Variants in SHISA6 observed in about 807,000 individuals in gnomAD.
The protein encoded by SHISA6 is shisa family member 6.
In SHISA6, 22 loss-of-function variants were observed where a neutral mutation model predicts 47.9. That is an observed-to-expected ratio of 0.46 (90% CI 0.33 to 0.66). The LOEUF is 0.66. Ranked by LOEUF, SHISA6 falls within the 30% of genes least tolerant of loss-of-function variation. SHISA6 has a pLI of 0.02. For synonymous variants in SHISA6, 388 were observed against 337.8 expected (o/e 1.15, Z -1.63); for missense variants, 680 against 764.6 (o/e 0.89, Z 1.30).
chr17:11,252,798 A>G (rs1357088171), intron 1 of SHISA6, among the ~76,000 whole-genome samples: 1 of 152,160 alleles, frequency 6.6e-6, no homozygotes, highest in Non-Finnish European at 1.5e-5. Flanking sequence ...GCTGGCTCAA[A>G]AGCTGAGGCT....
At chr17:11,471,161 A>G (rs965179978) in intron 3 of SHISA6, among the ~76,000 whole-genome samples, 7 of 149,346 alleles carry the variant, frequency 4.7e-5, no homozygotes, top group Non-Finnish European at 8.9e-5. Flanking sequence ...GTGAGCCAAG[A>G]TCATGCCACT....
intron 2 of SHISA6, among the ~76,000 whole-genome samples, chr17:11,282,339 C>T (rs1320233072): frequency 1.3e-5 from 2 of 151,870 alleles, no homozygotes; most frequent in Non-Finnish European, 2.9e-5. Context: ...AGTTCTTTCT[C>T]CATAGAAGGT....
intron 1 of SHISA6, among the ~76,000 whole-genome samples, chr17:11,260,996 C>T (rs753548437): frequency 7.2e-5 from 11 of 152,164 alleles, no homozygotes; most frequent in African/African-American, 9.7e-5. Flanking sequence ...AACCCATTTC[C>T]TCCGGCATAT....
At chr17:11,485,305 T>C (rs1041754787) in intron 3 of SHISA6, among the ~76,000 whole-genome samples, 9 of 152,042 alleles carry the variant, frequency 5.9e-5, no homozygotes, top group Non-Finnish European at 7.4e-5. Flanking sequence ...TTAATACTCA[T>C]TTAATAACAC....
chr17:11,358,746 C>CTGCAA (rs1472900682), intron 2 of SHISA6, among the ~76,000 whole-genome samples: 1 of 151,320 alleles, frequency 6.6e-6, no homozygotes, highest in African/African-American at 2.4e-5. Context: ...TTTTGGCTCA[C>CTGCAA]TGCAACCTCT....
intron 3 of SHISA6, among the ~76,000 whole-genome samples, chr17:11,527,615 T>C (rs541672827): frequency 2.7e-4 from 41 of 152,314 alleles, no homozygotes; most frequent in African/African-American, 8.9e-4. Flanking sequence ...TGACATAGTT[T>C]AAGGGTTGGC....
At position 11,382,001 on chromosome 17, in the gene SHISA6, G is replaced by T. The variant is rs1000926653; in HGVS notation, c.895+2492G>T. Among the ~76,000 whole-genome samples, 8 of 152,176 alleles carry T rather than the reference G, an allele frequency of 5.3e-5. No homozygotes were observed. In the South Asian group the frequency reaches 6.2e-4, roughly 12 times the overall value. ...GAACAGCTAAAGTTTCAAGAACAAA[G>T]AATCTGGGTTTGAGGTTGGTGGTTG... On this transcript the variant is annotated intron_variant, in intron 3 of 5. Coordinates refer to ENST00000441885, the MANE Select transcript of SHISA6 (RefSeq NM_207386.4).
chr17:11,433,039 G>A (rs1483045548), intron 3 of SHISA6, among the ~76,000 whole-genome samples: 2 of 152,306 alleles, frequency 1.3e-5, no homozygotes, highest in East Asian at 3.9e-4. Flanking sequence ...CTTCAAATGA[G>A]TGAATTGTAT....
chr17:11,451,190 G>T (rs1915391581), intron 3 of SHISA6, among the ~76,000 whole-genome samples: 1 of 152,012 alleles, frequency 6.6e-6, no homozygotes, highest in South Asian at 2.1e-4. Flanking sequence ...TTTACCCACA[G>T]CCCCTGCTCC....
chr17:11,343,478 A>G (rs1287663677), intron 2 of SHISA6, among the ~76,000 whole-genome samples: 1 of 152,176 alleles, frequency 6.6e-6, no homozygotes, highest in Non-Finnish European at 1.5e-5. Flanking sequence ...AGACAGTCCA[A>G]AGGCTATTGA....
chr17:11,478,702 C>A (rs1488225148), intron 3 of SHISA6, among the ~76,000 whole-genome samples: 2 of 92,272 alleles, frequency 2.2e-5, no homozygotes, highest in African/African-American at 8.6e-5. Context: ...GCTTGTTTTT[C>A]TCAGGTTTGT....
intron 1 of SHISA6, among the ~76,000 whole-genome samples, chr17:11,249,629 T>G (rs1015222743): frequency 6.6e-6 from 1 of 152,216 alleles, no homozygotes; most frequent in Non-Finnish European, 1.5e-5. Context: ...GGAGGCCGCA[T>G]GCTGATTTTT....
At chr17:11,247,920 G>A (rs920813002) in intron 1 of SHISA6, among the ~76,000 whole-genome samples, 8 of 151,906 alleles carry the variant, frequency 5.3e-5, no homozygotes, top group African/African-American at 1.7e-4. Context: ...GACTACAGGC[G>A]CCCGCCACCA....
At chr17:11,379,993 A>G (rs1912957670) in intron 3 of SHISA6, 1 of 156,878 alleles carries the variant, frequency 6.4e-6, no homozygotes, top group Non-Finnish European at 1.4e-5. Flanking sequence ...GTGGACACAA[A>G]GGTAGAAGGT....
intron 3 of SHISA6, among the ~76,000 whole-genome samples, chr17:11,401,619 C>T (rs918029562): frequency 6.6e-6 from 1 of 152,202 alleles, no homozygotes; most frequent in Non-Finnish European, 1.5e-5. Flanking sequence ...CAATAGTAGG[C>T]TACACTGGAA....
intron 3 of SHISA6, among the ~76,000 whole-genome samples, chr17:11,516,230 A>G (rs1024101868): frequency 2.2e-4 from 34 of 152,188 alleles, no homozygotes; most frequent in African/African-American, 8.0e-4. Flanking sequence ...AGGATTGGTG[A>G]CAGGAAGCTC....
intron 2 of SHISA6, among the ~76,000 whole-genome samples, chr17:11,285,464 G>A (rs1472980908): frequency 6.6e-6 from 1 of 152,186 alleles, no homozygotes; most frequent in East Asian, 1.9e-4. Context: ...TCTTAAAAAG[G>A]GGAGAAGGGG....
At chr17:11,264,438 A>G (rs1241530609) in intron 2 of SHISA6, among the ~76,000 whole-genome samples, 1 of 152,194 alleles carries the variant, frequency 6.6e-6, no homozygotes, top group Non-Finnish European at 1.5e-5. Flanking sequence ...GAACTAGGAA[A>G]CCGTAATATC....
At chr17:11,279,844 A>G (rs1433751030) in intron 2 of SHISA6, among the ~76,000 whole-genome samples, 3 of 152,110 alleles carry the variant, frequency 2.0e-5, no homozygotes, top group African/African-American at 7.2e-5. Flanking sequence ...GGCTAAGGAA[A>G]TGACCTGCAT....
Sources: allele counts gnomAD v4.1 joint callset (sites outside exome capture counted in the v4.1 genomes callset), GRCh38; gene constraint gnomAD v4.1.1; transcripts MANE v1.5; gene names NCBI Gene and HGNC (gene_info 2026-07-23, HGNC 2026-07-21).